Variants in GNA14 observed in about 807,000 individuals in gnomAD.
The protein encoded by GNA14 is guanine nucleotide-binding protein subunit alpha-14.
GNA14 carries 50 observed loss-of-function variants against 42.0 expected under a neutral mutation model. That is an observed-to-expected ratio of 1.19 (90% CI 0.95 to 1.51). GNA14 has a LOEUF of 1.51. GNA14 is among the 40% of genes most tolerant of loss of function. GNA14 has a pLI of 0.00. For synonymous variants in GNA14, 173 were observed against 163.1 expected (o/e 1.06, Z -0.46); for missense variants, 473 against 446.2 (o/e 1.06, Z -0.54).
intron 2 of GNA14, among the ~76,000 whole-genome samples, chr9:77,444,491 C>G (rs1426992841): frequency 6.6e-6 from 1 of 152,200 alleles, no homozygotes; most frequent in African/African-American, 2.4e-5. Context: ...TTCATCCCCC[C>G]AGAATCCACT....
chr9:77,447,707 T>C (rs1835845864), intron 2 of GNA14, among the ~76,000 whole-genome samples: 1 of 152,108 alleles, frequency 6.6e-6, no homozygotes, highest in Non-Finnish European at 1.5e-5. Context: ...TGAAGGGCCC[T>C]GGAGTCCTTC....
intron 1 of GNA14, among the ~76,000 whole-genome samples, chr9:77,594,096 G>A (rs1024366299): frequency 2.6e-5 from 4 of 152,218 alleles, no homozygotes; most frequent in Admixed American, 2.0e-4. Context: ...GGCTGGGCAG[G>A]GAGGGGTGAA....
At chr9:77,647,581 T>G (rs7033216) in intron 1 of GNA14, 89 bp downstream of exon 1, 18,220 of 1,455,774 alleles carry the variant, frequency 0.013, 322 homozygotes, top group African/African-American at 0.082. Flanking sequence ...CCCGCTGGGC[T>G]CCAGGGCCGC....
At chr9:77,540,960 T>A (rs983159620) in intron 1 of GNA14, among the ~76,000 whole-genome samples, 2 of 152,196 alleles carry the variant, frequency 1.3e-5, no homozygotes, top group African/African-American at 4.8e-5. Context: ...TATTCAAGGT[T>A]ATTATTGATA....
intron 1 of GNA14, among the ~76,000 whole-genome samples, chr9:77,580,970 C>G (rs1395081261): frequency 2.0e-5 from 3 of 151,044 alleles, no homozygotes; most frequent in Admixed American, 2.0e-4. Context: ...TTGATTTCTT[C>G]AGAAGTTTCA....
chr9:77,492,705 A>G (rs1027232280), intron 2 of GNA14, among the ~76,000 whole-genome samples: 1 of 152,028 alleles, frequency 6.6e-6, no homozygotes, highest in Non-Finnish European at 1.5e-5. Flanking sequence ...AAAATCTATT[A>G]CCAAAAATAC....
chr9:77,634,478 A>AGGAG (rs1824149641), intron 1 of GNA14, among the ~76,000 whole-genome samples: 2 of 150,188 alleles, frequency 1.3e-5, no homozygotes, highest in African/African-American at 4.9e-5. Flanking sequence ...GAGGGAAGGA[A>AGGAG]GGAAGGAAGG....
intron 2 of GNA14, among the ~76,000 whole-genome samples, chr9:77,482,701 C>G (rs1336248770): frequency 6.6e-6 from 1 of 152,074 alleles, no homozygotes; most frequent in Non-Finnish European, 1.5e-5. Context: ...CCAATCAGAC[C>G]TAGATTTGGT....
At chr9:77,540,568 G>A (rs1837647251) in intron 1 of GNA14, among the ~76,000 whole-genome samples, 1 of 152,150 alleles carries the variant, frequency 6.6e-6, no homozygotes, top group South Asian at 2.1e-4. Flanking sequence ...CGAGAGTGGA[G>A]TGTTGAAGTC....
chr9:77,462,587 G>C (rs1200153068), intron 2 of GNA14, among the ~76,000 whole-genome samples: 3 of 152,116 alleles, frequency 2.0e-5, no homozygotes, highest in African/African-American at 7.2e-5. Context: ...TGGGCATGGT[G>C]GTGGGTGCCT....
intron 1 of GNA14, among the ~76,000 whole-genome samples, chr9:77,542,915 G>A (rs1030865106): frequency 6.6e-6 from 1 of 152,196 alleles, no homozygotes; most frequent in African/African-American, 2.4e-5. Flanking sequence ...TCAGGTGATG[G>A]TGCTGACAGG....
At chr9:77,640,895 A>G (rs1824248308) in intron 1 of GNA14, among the ~76,000 whole-genome samples, 1 of 148,090 alleles carries the variant, frequency 6.8e-6, no homozygotes, top group African/African-American at 2.5e-5. Flanking sequence ...AAAAAAAACA[A>G]CAGACAGAGG....
intron 2 of GNA14, among the ~76,000 whole-genome samples, chr9:77,440,649 A>G (rs1835716984): frequency 6.6e-6 from 1 of 152,192 alleles, no homozygotes; most frequent in South Asian, 2.1e-4. Flanking sequence ...TAACATTTGT[A>G]TTACCTCACA....
chr9:77,544,002 A>T (rs1298886589), intron 1 of GNA14, among the ~76,000 whole-genome samples: 2 of 152,186 alleles, frequency 1.3e-5, no homozygotes, highest in East Asian at 1.9e-4. Flanking sequence ...TGGTATTCCT[A>T]AAAAAATCAA....
intron 1 of GNA14, among the ~76,000 whole-genome samples, chr9:77,640,540 C>T (rs868034525): frequency 6.6e-6 from 1 of 152,062 alleles, no homozygotes; most frequent in African/African-American, 2.4e-5. Flanking sequence ...ACTTTATTTG[C>T]ATTGCTTTTT....
intron 1 of GNA14, among the ~76,000 whole-genome samples, chr9:77,624,518 G>T (rs944024994): frequency 6.6e-6 from 1 of 152,188 alleles, no homozygotes; most frequent in Non-Finnish European, 1.5e-5. Flanking sequence ...TCATACAGGA[G>T]AGCTCCAGCT....
intron 1 of GNA14, among the ~76,000 whole-genome samples, chr9:77,585,981 A>G (rs985953157): frequency 1.3e-5 from 2 of 151,962 alleles, no homozygotes; most frequent in Non-Finnish European, 2.9e-5. Context: ...CAGTATTTCT[A>G]TTTATTTTCC....
chr9:77,448,439 T>C (rs750333292), intron 2 of GNA14, among the ~76,000 whole-genome samples: 1 of 152,246 alleles, frequency 6.6e-6, no homozygotes, highest in Non-Finnish European at 1.5e-5. Context: ...TTGTGTTAGA[T>C]GATTTTGCCC....
intron 1 of GNA14, among the ~76,000 whole-genome samples, chr9:77,581,230 C>A (rs1419124382): frequency 6.6e-6 from 1 of 152,142 alleles, no homozygotes; most frequent in African/African-American, 2.4e-5. Context: ...TAGGCTGAGA[C>A]AGGCTGCAAG....
Sources: allele counts gnomAD v4.1 joint callset (sites outside exome capture counted in the v4.1 genomes callset), GRCh38; gene constraint gnomAD v4.1.1; transcripts MANE v1.5; gene names NCBI Gene and HGNC (gene_info 2026-07-23, HGNC 2026-07-21).